Variants in SBF2 observed in about 807,000 individuals in gnomAD.
The protein encoded by SBF2 is SET binding factor 2.
In SBF2, 112 loss-of-function variants were observed where a neutral mutation model predicts 225.2. The observed-to-expected ratio is 0.50, with a 90% CI of 0.43 to 0.58. SBF2 has a LOEUF of 0.58. SBF2 is among the 20% of genes least tolerant of loss of function. The pLI, the probability that SBF2 is intolerant of heterozygous loss-of-function variation, is 0.00. For missense variants in SBF2, 1,996 were observed against 2,206.2 expected (o/e 0.90, Z 1.91); for synonymous variants, 763 against 773.3 (o/e 0.99, Z 0.22).
chr11:9,888,395 T>C (rs1860513441), intron 17 of SBF2, among the ~76,000 whole-genome samples: 1 of 151,762 alleles, frequency 6.6e-6, no homozygotes, highest in South Asian at 2.1e-4. Flanking sequence ...GTCCTGCTAC[T>C]GAGGAGGCTG....
At chr11:9,799,344 T>C (rs1046318310) in intron 32 of SBF2, among the ~76,000 whole-genome samples, 6 of 152,154 alleles carry the variant, frequency 3.9e-5, no homozygotes, top group African/African-American at 1.4e-4. Flanking sequence ...CTGGAATTGG[T>C]GCTTGGAGAA....
chr11:10,139,028 A>ACT (rs1472733757), intron 2 of SBF2, among the ~76,000 whole-genome samples: 206 of 152,322 alleles, frequency 1.4e-3, no homozygotes, highest in African/African-American at 4.5e-3. Context: ...ACCATGTAAG[A>ACT]AACTAACTCA....
chr11:9,846,842 T>G (rs1856584065), intron 23 of SBF2, 114 bp downstream of exon 23: 1 of 1,170,674 alleles, frequency 8.5e-7, no homozygotes, highest in African/African-American at 1.5e-5. Context: ...CCCTATGATC[T>G]TCCCCATTCT....
chr11:10,097,853 T>C (rs986261596), intron 2 of SBF2, among the ~76,000 whole-genome samples: 2 of 150,956 alleles, frequency 1.3e-5, no homozygotes, highest in Non-Finnish European at 3.0e-5. Context: ...GCATAGTGAG[T>C]TCCTGTCTTC....
intron 2 of SBF2, among the ~76,000 whole-genome samples, chr11:10,106,911 A>G (rs1230431355): frequency 6.6e-6 from 1 of 152,212 alleles, no homozygotes; most frequent in Non-Finnish European, 1.5e-5. Context: ...ATGAGCTCAT[A>G]AAAATGCTCA....
At chr11:10,165,903 A>G (rs564871698) in intron 2 of SBF2, among the ~76,000 whole-genome samples, 4 of 152,376 alleles carry the variant, frequency 2.6e-5, no homozygotes, top group Admixed American at 2.6e-4. Context: ...TTTCAATTAT[A>G]GTAACTGTAC....
intron 2 of SBF2, among the ~76,000 whole-genome samples, chr11:10,094,534 T>TTTTTTTTTTTTTTC (rs1951934147): frequency 6.9e-6 from 1 of 144,668 alleles, no homozygotes; most frequent in Non-Finnish European, 1.5e-5. Flanking sequence ...ACAGATTTTT[T>TTTTTTTTTTTTTTC]TTTTTTTTTT....
chr11:10,120,617 T>G (rs1207090430), intron 2 of SBF2, among the ~76,000 whole-genome samples: 1 of 152,132 alleles, frequency 6.6e-6, no homozygotes, highest in Non-Finnish European at 1.5e-5. Context: ...GTTTTCTGTT[T>G]GTTTTTTCTT....
At chr11:10,043,042 C>T in intron 2 of SBF2, 61 bp from the exon 3 acceptor site, 1 of 1,526,598 alleles carries the variant, frequency 6.6e-7, no homozygotes, top group Non-Finnish European at 8.9e-7. Flanking sequence ...TTATTAATCT[C>T]TGAGAAATTT....
intron 2 of SBF2, among the ~76,000 whole-genome samples, chr11:10,059,629 C>T (rs897436792): frequency 6.6e-6 from 1 of 152,078 alleles, no homozygotes; most frequent in Non-Finnish European, 1.5e-5. Context: ...CATAATTGGA[C>T]ATAAAACAAT....
At chr11:10,233,428 GCTC>G (rs202005594) in intron 1 of SBF2, among the ~76,000 whole-genome samples, 8,143 of 151,930 alleles carry the variant, frequency 0.054, 301 homozygotes, top group Middle Eastern at 0.14. Context: ...ACTGCCGGGT[GCTC>G]CTATTATGAA....
At chr11:9,997,504 C>A (rs1056126191) in intron 9 of SBF2, among the ~76,000 whole-genome samples, 3 of 152,152 alleles carry the variant, frequency 2.0e-5, no homozygotes, top group South Asian at 2.1e-4. Flanking sequence ...TTGGGCCGGG[C>A]GCGGTGGCTC....
intron 1 of SBF2, among the ~76,000 whole-genome samples, chr11:10,230,513 C>A (rs1034224122): frequency 2.6e-5 from 4 of 152,270 alleles, no homozygotes; most frequent in African/African-American, 9.6e-5. Context: ...CTGGTGGCGA[C>A]AAAATCTCTC....
chr11:9,973,735 C>A (rs576893412), intron 13 of SBF2, among the ~76,000 whole-genome samples: 1 of 152,166 alleles, frequency 6.6e-6, no homozygotes, highest in South Asian at 2.1e-4. Context: ...TTACAGAATA[C>A]AAGGCTTGAA....
At chr11:9,872,581 G>C (rs1157802427) in intron 17 of SBF2, among the ~76,000 whole-genome samples, 3 of 152,130 alleles carry the variant, frequency 2.0e-5, no homozygotes, top group African/African-American at 7.2e-5. Flanking sequence ...AGTCATTAGG[G>C]AAATGAAAAT....
chr11:9,874,731 T>C (rs1334787310), intron 17 of SBF2, among the ~76,000 whole-genome samples: 1 of 152,170 alleles, frequency 6.6e-6, no homozygotes, highest in Non-Finnish European at 1.5e-5. Flanking sequence ...AAGCAGTAAA[T>C]ATGGGGCTGG....
At chr11:10,283,606 G>C (rs1171703490) in intron 1 of SBF2, among the ~76,000 whole-genome samples, 1 of 151,192 alleles carries the variant, frequency 6.6e-6, no homozygotes, top group Non-Finnish European at 1.5e-5. Flanking sequence ...AATTATAAAT[G>C]TATTAATGGA....
At chr11:10,256,688 G>C (rs1960893343) in intron 1 of SBF2, among the ~76,000 whole-genome samples, 1 of 151,960 alleles carries the variant, frequency 6.6e-6, no homozygotes, top group Admixed American at 6.6e-5. Context: ...CCCTCTCCAG[G>C]GTATAGTCTC....
At chr11:10,181,436 C>A (rs568142376) in intron 2 of SBF2, among the ~76,000 whole-genome samples, 3 of 151,934 alleles carry the variant, frequency 2.0e-5, no homozygotes, top group Admixed American at 1.3e-4. Context: ...CAAATTTTCC[C>A]AATTTTTGAA....
Sources: allele counts gnomAD v4.1 joint callset (sites outside exome capture counted in the v4.1 genomes callset), GRCh38; gene constraint gnomAD v4.1.1; transcripts MANE v1.5; gene names NCBI Gene and HGNC (gene_info 2026-07-23, HGNC 2026-07-21).